The following SBNO2 variants were observed in gnomAD, a reference collection of about 807,000 sequenced individuals.
SBNO2 encodes the protein strawberry notch homolog 2.
A neutral mutation model predicts 146.3 loss-of-function variants in SBNO2; 89 were observed. The observed-to-expected ratio is 0.61, with a 90% CI of 0.51 to 0.73. SBNO2 has a LOEUF of 0.73. Among genes scored for constraint, SBNO2 ranks in the 30% least tolerant of loss-of-function variants. The probability of loss-of-function intolerance (pLI) is 0.00; values close to 1 mark genes in which losing one functional copy is unlikely to be tolerated. For synonymous variants in SBNO2, 1,147 were observed against 892.6 expected (o/e 1.29, Z -5.08); for missense variants, 2,092 against 2,003.7 (o/e 1.04, Z -0.84).
Position 1,155,324 on chromosome 19 carries a change from G to A in SBNO2, c.-126-922C>T, listed in dbSNP as rs553657618. 1.9e-3 allele frequency among the ~76,000 whole-genome samples: 287 copies of A among 152,314 alleles called. 1 individual carries two copies. The highest frequency in any genetic ancestry group is 6.6e-3 in the African/African-American group (273 of 41,582). On this transcript the variant is annotated intron_variant, in intron 1 of 31. Coordinates refer to ENST00000361757, the MANE Select transcript of SBNO2 (RefSeq NM_014963.3). ...GCCCGGCGCTCCAGAGACAGTGGCCGGGCAACAGGGGCTGGGGGTCGGGAC... is the reference window on the plus strand; with the variant it reads ...GCCCGGCGCTCCAGAGACAGTGGCCAGGCAACAGGGGCTGGGGGTCGGGAC...
chr19:1,114,290 G>A lies in SBNO2; in HGVS notation c.2018C>T (p.Ser673Phe). 1 of 1,552,584 alleles carries A rather than the reference G, an allele frequency of 6.4e-7. No individual in the cohort carries two copies. Among genetic ancestry groups the A allele is most frequent in the East Asian group, 2.4e-5 (1 of 40,892 alleles). ...GATGACAACGTCGTCATCCACCAGG[G>A]ACTCGGGGGAGGAGTTGAAGTCGCT... ...LDSDFNSSPE[S>F]LVDDDVVIVD... The change falls in exon 18 of 32, where the codon TCC (serine) becomes TTC (phenylalanine). Residue 673 changes from serine to phenylalanine, a missense_variant. Ser to Phe is a radical substitution (Grantham distance 155). Transcript: ENST00000361757.
At chr19:1,113,215 G>T (rs1020052933) in intron 19 of SBNO2, among the ~76,000 whole-genome samples, 3 of 152,166 alleles carry the variant, frequency 2.0e-5, no homozygotes, top group African/African-American at 4.8e-5. Flanking sequence ...CGCAGAACCA[G>T]GCCCAGGGGC....
rs1034077445 is a variant in SBNO2 at position 1,134,743 on chromosome 19, T to C, written c.280-6978A>G. On this transcript the variant is annotated intron_variant, in intron 4 of 31. Coordinates refer to ENST00000361757, the MANE Select transcript of SBNO2 (RefSeq NM_014963.3). ...TGGTGGTTGCACAACTCTGTGAATA[T>C]ACTTTTTTAAAGTGTGGATTTGGGC... 4.6e-5 allele frequency among the ~76,000 whole-genome samples: 7 copies of C among 152,104 alleles called. No homozygotes were observed. The East Asian group carries it at 7.7e-4, about 17-fold the overall frequency.
chr19:1,156,904 A>G (rs1176494518), intron 1 of SBNO2, among the ~76,000 whole-genome samples: 1 of 151,584 alleles, frequency 6.6e-6, no homozygotes, highest in Non-Finnish European at 1.5e-5. Flanking sequence ...CACTCCTGAG[A>G]ACGCCCACCC....
chr19:1,122,295 AG>A lies in SBNO2; in HGVS notation c.1006-14del, dbSNP rs1780485513. 6.5e-7 allele frequency: 1 copy of A among 1,549,304 alleles called. No homozygotes were observed. The highest frequency in any genetic ancestry group is 8.7e-7 in the Non-Finnish European group (1 of 1,144,708). ...CACCGTACTTGATCTGGGGATGCAC[AG>A]AACAGGTGTGGAATGGGGCCCCGGC... On this transcript the variant is annotated splice_polypyrimidine_tract_variant and intron_variant, in intron 10 of 31. Transcript: ENST00000361757.
Position 1,164,424 on chromosome 19 carries a change from AGG to A in SBNO2, c.-127+9746_-127+9747del, listed in dbSNP as rs2080383162. The stretch of plus-strand genomic sequence containing the variant: ...GAGGAGGAGGAGGAGGAGGAACAGG[AGG>A]AGGAGGAGGAGGAGGAGGAGGAGAA... On this transcript the variant is annotated intron_variant, in intron 1 of 31. Transcript: ENST00000361757. Among the ~76,000 whole-genome samples, 2 of 123,032 alleles carry A rather than the reference AGG, an allele frequency of 1.6e-5. 1 individual carries two copies. Among genetic ancestry groups the A allele is most frequent in the Non-Finnish European group, 3.7e-5 (2 of 54,598 alleles). The allele number at this position is 123,032 out of a possible 152,430, so 80.7% of individuals were successfully genotyped here. A position where few individuals can be genotyped will look rare whatever the true frequency, so the allele number is the denominator to read the frequency against.
In SBNO2 at chr19:1,154,184, C is replaced by G; in HGVS notation, c.93G>C (p.Gln31His). Residue 31 changes from glutamine to histidine, a missense_variant and splice_region_variant, in exon 2 of 32, where the codon CAG becomes CAC. By Grantham distance (24) the Gln-to-His change is conservative. Transcript: ENST00000361757. ...GSLLYSPPPL[Q>H]SAMLHCPYWN... ...GGCCGGGGCCGGGGGTGGGGCTCAC[C>G]TGCAGGGGCGGCGGGCTGTACAGGA... 8.1e-7 allele frequency: 1 copy of G among 1,235,934 alleles called. No homozygotes were observed. Among genetic ancestry groups the G allele is most frequent in the African/African-American group, 1.5e-5 (1 of 64,814 alleles). The allele number at this position is 1,235,934 out of a possible 1,614,324, so 76.6% of individuals were successfully genotyped here.
intron 4 of SBNO2, among the ~76,000 whole-genome samples, chr19:1,138,328 G>A (rs912856983): frequency 2.0e-5 from 3 of 151,610 alleles, no homozygotes; most frequent in African/African-American, 7.3e-5. Flanking sequence ...GCTGGGCCTG[G>A]AGCAGGGGAC....
Position 1,118,765 on chromosome 19 carries a change from G to A in SBNO2, c.1527+246C>T, listed in dbSNP as rs972047873. Among the ~76,000 whole-genome samples, 7 of 152,136 alleles carry A rather than the reference G, an allele frequency of 4.6e-5. No homozygotes were observed. The East Asian group carries it at 7.7e-4, about 17-fold the overall frequency. ...CGGGCACCTGTAACTCCAGCTACTCGAGAGGCTGAGGGGGGAGAATCGCTT... is the reference window on the plus strand; with the variant it reads ...CGGGCACCTGTAACTCCAGCTACTCAAGAGGCTGAGGGGGGAGAATCGCTT... On this transcript the variant is annotated intron_variant, in intron 14 of 31. Transcript: ENST00000361757.
intron 17 of SBNO2, 64 bp from the exon 18 acceptor site, chr19:1,114,486 G>A (rs2079807800): frequency 5.9e-6 from 8 of 1,347,140 alleles, no homozygotes; most frequent in Non-Finnish European, 4.0e-6. Context: ...AGGTGGAGGA[G>A]ACGCAGCAGG....
At chr19:1,122,612 CGCCCCCCACCCCCGCTCCCG>C in intron 9 of SBNO2, 26 bp downstream of exon 9, 2 of 973,172 alleles carry the variant, frequency 2.1e-6, no homozygotes, top group Non-Finnish European at 2.9e-6. Flanking sequence ...CCCCCGCTTC[CGCCCCCCACCCCCGCTCCCG>C]CCCCCTGCCC....
In SBNO2 at chr19:1,124,659, G is replaced by A. The variant is rs920516794; in HGVS notation, c.442-637C>T. Among the ~76,000 whole-genome samples the A allele has an allele frequency of 7.9e-5, 12 of 152,344 alleles. No homozygotes were observed. The South Asian group carries it at 1.4e-3, about 18-fold the overall frequency. ...CCTCTGTGAGAGATGGGGCAAGGAT[G>A]CCTGCCACTGTAGTGACCAGAGAAC... is the stretch of plus-strand genomic sequence containing the variant. On this transcript the variant is annotated intron_variant, in intron 5 of 31. Coordinates refer to ENST00000361757, the MANE Select transcript of SBNO2 (RefSeq NM_014963.3).
At position 1,122,266 on chromosome 19, in the gene SBNO2, G is replaced by A. The variant is rs1282238903; in HGVS notation, c.1022C>T (p.Thr341Ile). ...GAAGAGGACGCCCTCTGAGGTAGTG[G>A]TGTCACCGTACTTGATCTGGGGATG... is the stretch of plus-strand genomic sequence containing the variant. ...HALSKIKYGDTTTSEGVLFAT... is the reference protein window; with the variant it reads ...HALSKIKYGDITTSEGVLFAT... The change falls in exon 11 of 32, where the codon ACC becomes ATC. Residue 341 changes from threonine (T) to isoleucine (I), a missense_variant. Coordinates refer to ENST00000361757, the MANE Select transcript of SBNO2 (RefSeq NM_014963.3). 1.3e-6 allele frequency: 2 copies of A among 1,572,466 alleles called. No homozygotes were observed. The highest frequency in any genetic ancestry group is 2.3e-5 in the East Asian group (1 of 43,904).
Position 1,136,193 on chromosome 19 carries a change from G to A in SBNO2, c.280-8428C>T, listed in dbSNP as rs956020817. ...ATGCTGGAGGGGCCGGAAGGAGCGC[G>A]GCCCTGTCCGCACCTTGACTTTGGA... On this transcript the variant is annotated intron_variant, in intron 4 of 31. Transcript: ENST00000361757. This position sits in a 1 kb window ranked among gnomAD's most constrained non-coding sequence, Gnocchi z 4.2. Among the ~76,000 whole-genome samples, 16 of 152,258 alleles carry A rather than the reference G, an allele frequency of 1.1e-4. No individual in the cohort carries two copies. The highest frequency in any genetic ancestry group is 3.4e-4 in the African/African-American group (14 of 41,554).
At chr19:1,143,914 G>A (rs961089127) in intron 4 of SBNO2, among the ~76,000 whole-genome samples, 5 of 152,236 alleles carry the variant, frequency 3.3e-5, no homozygotes, top group Non-Finnish European at 7.3e-5. Context: ...GAGGCGACAC[G>A]GCGGCAGGTC....
rs1053913122 is a variant in SBNO2, at chr19:1,149,411, G to T, written c.125C>A (p.Thr42Asn). Residue 42 changes from threonine to asparagine, a missense_variant, in exon 3 of 32, where the codon ACC becomes AAC. Thr to Asn is a moderately conservative substitution (Grantham distance 65). Coordinates refer to ENST00000361757, the MANE Select transcript of SBNO2 (RefSeq NM_014963.3). ...GGCAGGGTATGGCGGCAGCGAGAAG[G>T]TGTTCCAGTAGGGGCAGTGCAGCAT... ...SAMLHCPYWNTFSLPPYPAFS... is the reference protein window; with the variant it reads ...SAMLHCPYWNNFSLPPYPAFS... 1.2e-5 allele frequency: 19 copies of T among 1,552,280 alleles called. No individual in the cohort carries two copies. In the African/African-American group the frequency reaches 2.6e-4, roughly 21 times the overall value.
chr19:1,147,095 C>T (rs1326196740), intron 4 of SBNO2, among the ~76,000 whole-genome samples: 1 of 152,114 alleles, frequency 6.6e-6, no homozygotes, highest in Non-Finnish European at 1.5e-5. Flanking sequence ...GCGGGGCTCA[C>T]TGCTGACACG....
intron 4 of SBNO2, among the ~76,000 whole-genome samples, chr19:1,135,701 C>G (rs542844901): frequency 6.6e-6 from 1 of 152,218 alleles, no homozygotes; most frequent in Non-Finnish European, 1.5e-5. Context: ...GCTGAATGCC[C>G]GCTGCCTCAG....
chr19:1,124,665 C>T (rs1271482589), intron 5 of SBNO2, among the ~76,000 whole-genome samples: 1 of 152,182 alleles, frequency 6.6e-6, no homozygotes, highest in Non-Finnish European at 1.5e-5. Flanking sequence ...GGATGCCTGC[C>T]ACTGTAGTGA....
Sources: gnomAD v4.1 joint callset for allele counts (sites outside exome capture counted in the v4.1 genomes callset) on GRCh38, gnomAD v4.1.1 for gene constraint, Gnocchi (gnomAD v3.1) non-coding constraint, MANE v1.5 for transcripts, NCBI Gene and HGNC (gene_info 2026-07-23, HGNC 2026-07-21) for gene names.